Variants in INTS7 observed in about 807,000 individuals in gnomAD.
INTS7 encodes chromosome 1 open reading frame 73.
A neutral mutation model predicts 109.2 loss-of-function variants in INTS7; 46 were observed. The observed-to-expected ratio is 0.42, with a 90% CI of 0.33 to 0.54. INTS7 has a LOEUF of 0.54. Among genes scored for constraint, INTS7 ranks in the 20% least tolerant of loss-of-function variants. The pLI is 0.07. For missense variants in INTS7, 929 were observed against 1,132.4 expected (o/e 0.82, Z 2.58); for synonymous variants, 412 against 402.9 (o/e 1.02, Z -0.27).
chr1:212,020,840 A>G, intron 2 of INTS7: 1 of 628,404 alleles, frequency 1.6e-6, no homozygotes, highest in Non-Finnish European at 2.2e-6. Context: ...TACACAGTAA[A>G]ATATTAAGGT....
intron 19 of INTS7, among the ~76,000 whole-genome samples, chr1:211,943,267 T>G (rs1193440748): frequency 1.3e-4 from 20 of 151,860 alleles, no homozygotes; most frequent in Admixed American, 1.3e-3. Context: ...CTCGGCTTAT[T>G]ATATCAGCTT....
intron 4 of INTS7, among the ~76,000 whole-genome samples, chr1:212,014,560 C>G (rs1041238769): frequency 2.0e-5 from 3 of 151,652 alleles, no homozygotes; most frequent in Admixed American, 6.6e-5. Flanking sequence ...TCCCCCTCCC[C>G]CTCCCCCTCT....
Position 211,982,747 on chromosome 1 carries a change from TG to T in INTS7, c.1060del (p.His354IlefsTer14), listed in dbSNP as rs1452978388. The T allele has an allele frequency of 1.3e-5, 21 of 1,611,718 alleles. No individual in the cohort carries two copies. Among genetic ancestry groups the T allele is most frequent in the Non-Finnish European group, 1.7e-5 (20 of 1,178,220 alleles). On this transcript the variant is annotated frameshift_variant, in exon 9 of 20. Transcript: ENST00000366994. LOFTEE classifies it high-confidence loss of function. ...ATGAGCTGCAATGCCCCTGTTATTATGGTAACAGCACTCTTGGGCTAATTTG... is the reference window on the plus strand; with the variant it reads ...ATGAGCTGCAATGCCCCTGTTATTATGTAACAGCACTCTTGGGCTAATTTG... Reference protein sequence around the residue: ...LVKLAQECCYHNNRGIAAHGV... With the variant: ...LVKLAQECCYXNNRGIAAHGV...
At chr1:212,025,342 A>T (rs1666872758) in intron 1 of INTS7, among the ~76,000 whole-genome samples, 1 of 152,154 alleles carries the variant, frequency 6.6e-6, no homozygotes, top group African/African-American at 2.4e-5. Flanking sequence ...GAGGGAACTG[A>T]CTGCACAGGG....
At chr1:212,005,979 A>T (rs1004133331) in intron 7 of INTS7, among the ~76,000 whole-genome samples, 1 of 152,226 alleles carries the variant, frequency 6.6e-6, no homozygotes, top group Non-Finnish European at 1.5e-5. Context: ...TTTTTAATCC[A>T]CTGGAGTCAT....
intron 12 of INTS7, 100 bp from the exon 13 acceptor site, chr1:211,975,472 C>A: frequency 1.2e-6 from 1 of 812,156 alleles, no homozygotes; most frequent in Non-Finnish European, 2.0e-6. Flanking sequence ...GAAACCCAAA[C>A]CTTGGATAAG....
chr1:212,010,230 T>C (rs187289745), intron 5 of INTS7, among the ~76,000 whole-genome samples: 10 of 152,322 alleles, frequency 6.6e-5, no homozygotes, highest in African/African-American at 2.2e-4. Flanking sequence ...CAAAGTGGTG[T>C]TCTCTAGAGT....
chr1:212,011,248 A>C, intron 5 of INTS7, 127 bp downstream of exon 5: 1 of 604,362 alleles, frequency 1.7e-6, no homozygotes, highest in Non-Finnish European at 2.9e-6. Context: ...GTTTGGGCAA[A>C]TAGAAGATAC....
chr1:211,982,663 T>C lies in INTS7; in HGVS notation c.1132+13A>G. ...CAAAGTTTATACGTAATATCAGTCCTGATCAAACTTACCCTTTTCTTGACA... is the reference window on the plus strand; with the variant it reads ...CAAAGTTTATACGTAATATCAGTCCCGATCAAACTTACCCTTTTCTTGACA... On this transcript the variant is annotated intron_variant, in intron 9 of 19. Transcript: ENST00000366994. The C allele has an allele frequency of 6.3e-7, 1 of 1,593,784 alleles. No homozygotes were observed. Among genetic ancestry groups the C allele is most frequent in the Non-Finnish European group, 8.5e-7 (1 of 1,170,366 alleles).
chr1:211,982,892 T>C, intron 8 of INTS7, 82 bp from the exon 9 acceptor site: 1 of 1,113,772 alleles, frequency 9.0e-7, no homozygotes, highest in Non-Finnish European at 1.3e-6. Flanking sequence ...ATTTTCTTAA[T>C]TTTTGAGAAA....
rs547076181 is a variant in INTS7, at chr1:211,975,077, A to G, written c.1815+89T>C. 2.4e-4 allele frequency: 204 copies of G among 853,680 alleles called. No individual in the cohort carries two copies. The African/African-American group carries it at 3.1e-3, about 13-fold the overall frequency. The allele number at this position is 853,680 out of a possible 1,614,324, so 52.9% of individuals were successfully genotyped here. A position where few individuals can be genotyped will look rare whatever the true frequency, so the allele number is the denominator to read the frequency against. On this transcript the variant is annotated intron_variant, in intron 13 of 19. Coordinates refer to ENST00000366994, the MANE Select transcript of INTS7 (RefSeq NM_015434.4). ...CCTATTTCATATCAGCAGGTTTCTC[A>G]AGTTAGTTGAAATAGGACAATCCAA...
chr1:211,971,930 A>G (rs1397344734), intron 13 of INTS7, among the ~76,000 whole-genome samples: 1 of 148,472 alleles, frequency 6.7e-6, no homozygotes, highest in Non-Finnish European at 1.5e-5. Context: ...AAAAAAAAAA[A>G]AAAAAAGAAA....
intron 9 of INTS7, among the ~76,000 whole-genome samples, chr1:211,982,178 G>A (rs116394006): frequency 0.026 from 3,927 of 152,250 alleles, 55 homozygotes; most frequent in African/African-American, 0.045. Context: ...TATTTTCCTT[G>A]CATGTCCTCC....
chr1:212,017,432 T>G (rs996406645), intron 3 of INTS7, among the ~76,000 whole-genome samples: 1 of 152,276 alleles, frequency 6.6e-6, no homozygotes, highest in Non-Finnish European at 1.5e-5. Flanking sequence ...AAGTAAGAGC[T>G]CCCAATCTTT....
rs755065751 is a variant in INTS7 at position 212,016,992 on chromosome 1, C to G, written c.403G>C (p.Glu135Gln). 1 of 1,600,334 alleles carries G rather than the reference C, an allele frequency of 6.2e-7. No homozygotes were observed. The highest frequency in any genetic ancestry group is 8.5e-7 in the Non-Finnish European group (1 of 1,174,690). The stretch of plus-strand genomic sequence containing the variant: ...ATACTATGATGAGCATTCTTCCTCT[C>G]AGGAATTATTGATGCCAGACTTCCC... ...MLGSLASIIP[E>Q]RKNAHHSIRQ... is the part of the protein sequence containing the mutation. Residue 135 changes from glutamate to glutamine, a missense_variant, in exon 4 of 20, where the codon GAG becomes CAG. Coordinates refer to ENST00000366994, the MANE Select transcript of INTS7 (RefSeq NM_015434.4).
At chr1:212,027,438 G>C (rs1268028923) in intron 1 of INTS7, among the ~76,000 whole-genome samples, 1 of 152,040 alleles carries the variant, frequency 6.6e-6, no homozygotes, top group African/African-American at 2.4e-5. Flanking sequence ...GGATGTGATT[G>C]CTATACCTAC....
At chr1:211,970,109 T>G (rs1664105098) in intron 13 of INTS7, among the ~76,000 whole-genome samples, 1 of 152,048 alleles carries the variant, frequency 6.6e-6, no homozygotes, top group Admixed American at 6.6e-5. Context: ...ATTTTAAAAA[T>G]AATTCCTGAG....
At chr1:211,951,659 C>A (rs1456758860) in intron 17 of INTS7, among the ~76,000 whole-genome samples, 2 of 152,180 alleles carry the variant, frequency 1.3e-5, no homozygotes, top group Non-Finnish European at 2.9e-5. Context: ...CGATCTCTCC[C>A]TACCATGTGA....
At position 211,944,775 on chromosome 1, in the gene INTS7, C is replaced by T; in HGVS notation, c.2601+9G>A. On this transcript the variant is annotated intron_variant, in intron 19 of 19. Coordinates refer to ENST00000366994, the MANE Select transcript of INTS7 (RefSeq NM_015434.4). The stretch of plus-strand genomic sequence containing the variant: ...CCTGTATCACAATTCTGCCTCTTTT[C>T]TAAATTACCTTGTAGTCTTGTCCAG... The T allele has an allele frequency of 6.2e-7, 1 of 1,609,374 alleles. No individual in the cohort carries two copies. Among genetic ancestry groups the T allele is most frequent in the Non-Finnish European group, 8.5e-7 (1 of 1,175,970 alleles).
Sources: allele counts gnomAD v4.1 joint callset (sites outside exome capture counted in the v4.1 genomes callset), GRCh38; gene constraint gnomAD v4.1.1; transcripts MANE v1.5; gene names NCBI Gene and HGNC (gene_info 2026-07-23, HGNC 2026-07-21).